The following SFMBT2 variants were observed in gnomAD, a reference collection of about 807,000 sequenced individuals.
SFMBT2 encodes scm-like with four MBT domains protein 2.
Under a neutral mutation model 110.1 loss-of-function variants are expected in SFMBT2, and 38 were observed. The observed-to-expected ratio is 0.35, with a 90% confidence interval of 0.27 to 0.45. SFMBT2 has a LOEUF of 0.45. Among genes scored for constraint, SFMBT2 ranks in the 20% least tolerant of loss-of-function variants. The pLI is 1.00. For missense variants in SFMBT2, 1,011 were observed against 1,094.9 expected, an observed-to-expected ratio of 0.92 and a Z score of 1.08; for synonymous variants, 425 against 425.4, an observed-to-expected ratio of 1.00 and a Z score of 0.01.
intron 16 of SFMBT2, among the ~76,000 whole-genome samples, chr10:7,180,798 G>A (rs543136629): frequency 1.2e-4 from 19 of 152,252 alleles, no homozygotes; most frequent in African/African-American, 3.9e-4. Flanking sequence ...CTGGAGAGAC[G>A]CTGGGGCCTG....
chr10:7,292,626 T>C (rs1424005469), intron 4 of SFMBT2, among the ~76,000 whole-genome samples: 3 of 152,224 alleles, frequency 2.0e-5, no homozygotes, highest in African/African-American at 7.2e-5. Flanking sequence ...TAAAGATTGT[T>C]GGAGGACAAG....
At chr10:7,315,098 AAGAAAG>A (rs1842969488) in intron 4 of SFMBT2, among the ~76,000 whole-genome samples, 1 of 145,792 alleles carries the variant, frequency 6.9e-6, no homozygotes, top group South Asian at 2.1e-4. Context: ...GAAAGAAAGA[AAGAAAG>A]AAAGAAAAAG....
Position 7,395,835 on chromosome 10 carries a change from C to T in SFMBT2, c.-51-13886G>A, listed in dbSNP as rs541469274. On this transcript the variant is annotated intron_variant, in intron 1 of 20. Transcript: ENST00000397167. ...CAGATTTTCTTCTCTCCTTCATAGA[C>T]GTTATGTTTCTCTCTGTTAGTTCTG... 1.1e-3 allele frequency among the ~76,000 whole-genome samples: 172 copies of T among 151,918 alleles called. 4 individuals carry two copies. In the South Asian group the frequency reaches 0.027, roughly 24 times the overall value.
At chr10:7,320,370 C>T (rs906521901) in intron 4 of SFMBT2, among the ~76,000 whole-genome samples, 1 of 152,120 alleles carries the variant, frequency 6.6e-6, no homozygotes. Context: ...TGAAACAAGC[C>T]GGAGGGTCAG....
chr10:7,343,741 A>G (rs933943682), intron 4 of SFMBT2, among the ~76,000 whole-genome samples: 2 of 152,214 alleles, frequency 1.3e-5, no homozygotes, highest in Non-Finnish European at 2.9e-5. Context: ...AAGCCTTTCT[A>G]CACAAGAAAA....
intron 15 of SFMBT2, among the ~76,000 whole-genome samples, chr10:7,192,976 A>G (rs1372043285): frequency 6.6e-6 from 1 of 152,192 alleles, no homozygotes; most frequent in Non-Finnish European, 1.5e-5. Context: ...GAGCAAAAAA[A>G]CAAGCCCTGA....
Position 7,172,059 on chromosome 10 carries a change from C to T in SFMBT2, c.2251G>A (p.Glu751Lys), listed in dbSNP as rs770316349. ...RDDQTDTSSA[E>K]VPSARPRRAV... ...CTCCGGGGCCGGGCCGAGGGCACCT[C>T]CGCCGACGAGGTGTCCGTCTGGTCA... Residue 751 changes from glutamate (E) to lysine (K), a missense_variant, in exon 19 of 21, where the codon GAG becomes AAG. By Grantham distance (56) the Glu-to-Lys change is moderately conservative. This residue lies in a region of SFMBT2 where 979 missense variants were observed against 1,016.1 expected (regional missense o/e 0.96). Transcript: ENST00000397167. The surrounding 1 kb of genome is among the most constrained non-coding windows in gnomAD (Gnocchi z 4.6). 1 of 1,600,346 alleles carries T rather than the reference C, an allele frequency of 6.2e-7. No individual in the cohort carries two copies. Among genetic ancestry groups the T allele is most frequent in the Non-Finnish European group, 8.5e-7 (1 of 1,173,678 alleles).
chr10:7,164,437 C>G (rs1439172135), intron 20 of SFMBT2: 10 of 985,074 alleles, frequency 1.0e-5, no homozygotes, highest in Non-Finnish European at 1.2e-5. Flanking sequence ...GCTAAGGGCA[C>G]TCTGGCTACT....
chr10:7,235,202 T>C (rs1259819954), intron 9 of SFMBT2, among the ~76,000 whole-genome samples: 1 of 152,026 alleles, frequency 6.6e-6, no homozygotes, highest in Non-Finnish European at 1.5e-5. Flanking sequence ...GATGCAGCAG[T>C]GAACAAAAGA....
chr10:7,255,074 G>A (rs1466562773), intron 7 of SFMBT2, among the ~76,000 whole-genome samples: 3 of 152,154 alleles, frequency 2.0e-5, no homozygotes, highest in African/African-American at 7.2e-5. Flanking sequence ...AAAAGATGCA[G>A]CTATTCTCAT....
chr10:7,346,979 GA>G (rs1198533780), intron 4 of SFMBT2, among the ~76,000 whole-genome samples: 2 of 149,374 alleles, frequency 1.3e-5, no homozygotes, highest in Non-Finnish European at 2.9e-5. Flanking sequence ...GACAAAACCA[GA>G]CTCTGTCTCA....
rs1840696310 is a variant in SFMBT2, at chr10:7,248,585, C to T, written c.935G>A (p.Cys312Tyr). 6.2e-7 allele frequency: 1 copy of T among 1,614,164 alleles called. No homozygotes were observed. Residue 312 changes from cysteine to tyrosine, a missense_variant, in exon 8 of 21, where the codon TGC becomes TAC. Cys to Tyr is a radical substitution (Grantham distance 194). Transcript: ENST00000397167. Reference sequence around the variant, plus strand: ...CGCAGGAGAGATGTAAAAGGGCTCGCACATATTCACTGTCTCAAGCTTCAT... The same window carrying T: ...CGCAGGAGAGATGTAAAAGGGCTCGTACATATTCACTGTCTCAAGCTTCAT... ...VGMKLETVNM[C>Y]EPFYISPASV... is the part of the protein sequence containing the mutation.
rs143512676 is a variant in SFMBT2, at chr10:7,172,597, G to A, written c.2049C>T (p.Ser683=). ...KPPIGESNPD[S]GHPKPARRRK... ...TCCGCCTGGCGGGTTTGGGGTGTCC[G>A]CTGTCGGGGTTGCTTTCCCCGATGG... The change falls in exon 18 of 21, where the codon AGC becomes AGT. Residue 683 remains serine, a synonymous_variant. Transcript: ENST00000397167. This position sits in a 1 kb window ranked among gnomAD's most constrained non-coding sequence, Gnocchi z 4.6. 1.7e-4 allele frequency: 272 copies of A among 1,614,220 alleles called. No individual in the cohort carries two copies. The East Asian group carries it at 4.3e-3, about 26-fold the overall frequency.
At chr10:7,360,318 T>C (rs1424486767) in intron 4 of SFMBT2, among the ~76,000 whole-genome samples, 2 of 152,032 alleles carry the variant, frequency 1.3e-5, no homozygotes, top group Non-Finnish European at 2.9e-5. Context: ...AAATACAAAA[T>C]TAGCTAGGCA....
Position 7,163,870 on chromosome 10 carries a change from G to A in SFMBT2, c.2585C>T (p.Thr862Met), listed in dbSNP as rs1372292706. The change falls in exon 21 of 21, where the codon ACG (threonine) becomes ATG (methionine). Residue 862 changes from threonine to methionine, a missense_variant. Coordinates refer to ENST00000397167, the MANE Select transcript of SFMBT2 (RefSeq NM_001387889.1). The surrounding 1 kb of genome is among the most constrained non-coding windows in gnomAD (Gnocchi z 4.8). ...GQALLLLTLP[T>M]VQECMELKLG... ...CTTCAGCTCCATGCACTCCTGCACC[G>A]TCGGAAGGGTCAGAAGCAGGAGTGC... is the stretch of plus-strand genomic sequence containing the variant. The A allele has an allele frequency of 2.5e-6, 4 of 1,613,954 alleles. No homozygotes were observed. The highest frequency in any genetic ancestry group is 2.2e-5 in the East Asian group (1 of 44,880).
At chr10:7,224,565 G>T (rs1839846813) in intron 10 of SFMBT2, among the ~76,000 whole-genome samples, 1 of 152,120 alleles carries the variant, frequency 6.6e-6, no homozygotes. Context: ...ATTCTCCCAT[G>T]CTATTCCCTT....
chr10:7,182,162 A>T (rs1349635669), intron 16 of SFMBT2, among the ~76,000 whole-genome samples: 2 of 152,010 alleles, frequency 1.3e-5, no homozygotes. Flanking sequence ...CTCAGCCTCC[A>T]GAGTAGCTGG....
intron 1 of SFMBT2, among the ~76,000 whole-genome samples, chr10:7,410,490 G>A (rs986867280): frequency 2.6e-5 from 4 of 152,202 alleles, no homozygotes; most frequent in Non-Finnish European, 5.9e-5. Flanking sequence ...GGCTGCGCCC[G>A]GGGAAGGAGG....
At chr10:7,243,497 C>A in intron 9 of SFMBT2, 61 bp downstream of exon 9, 1 of 852,596 alleles carries the variant, frequency 1.2e-6, no homozygotes, top group South Asian at 1.3e-5. Flanking sequence ...GGTGTTACTT[C>A]AATGACAGTA....
Sources: allele counts gnomAD v4.1 joint callset (sites outside exome capture counted in the v4.1 genomes callset), GRCh38; gene constraint gnomAD v4.1.1; regional missense constraint gnomAD v4.1.1; non-coding constraint Gnocchi (gnomAD v3.1); transcripts MANE v1.5; gene names NCBI Gene and HGNC (gene_info 2026-07-23, HGNC 2026-07-21).